ADAMTS2: variants seen among roughly 807,000 people sequenced by gnomAD.
The protein encoded by ADAMTS2 is A disintegrin and metalloproteinase with thrombospondin motifs 2.
A neutral mutation model predicts 123.0 loss-of-function variants in ADAMTS2; 50 were observed. The observed-to-expected ratio is 0.41, with a 90% CI of 0.32 to 0.51. ADAMTS2 has a LOEUF of 0.51. Ranked by LOEUF, ADAMTS2 falls within the 20% of genes least tolerant of loss-of-function variation. The pLI, the probability that ADAMTS2 is intolerant of heterozygous loss-of-function variation, is 0.35. For missense variants in ADAMTS2, 1,494 were observed against 1,705.2 expected, an observed-to-expected ratio of 0.88 and a Z score of 2.18; for synonymous variants, 678 against 695.4, an observed-to-expected ratio of 0.98 and a Z score of 0.39.
intron 2 of ADAMTS2, among the ~76,000 whole-genome samples, chr5:179,290,102 C>T (rs1455769689): frequency 2.6e-5 from 4 of 152,288 alleles, no homozygotes; most frequent in South Asian, 4.1e-4. Flanking sequence ...CTCATCTTGA[C>T]ATTTGGTCCC....
intron 3 of ADAMTS2, among the ~76,000 whole-genome samples, chr5:179,214,156 CACATTAGGACACAACTCA>C (rs1764921598): frequency 2.8e-5 from 3 of 107,746 alleles, no homozygotes; most frequent in African/African-American, 9.9e-5. Flanking sequence ...ATTACTGAGA[CACATTAGGACACAACTCA>C]AAAATCGTGC....
At chr5:179,265,764 T>C (rs1184847590) in intron 3 of ADAMTS2, among the ~76,000 whole-genome samples, 1 of 152,208 alleles carries the variant, frequency 6.6e-6, no homozygotes, top group Non-Finnish European at 1.5e-5. Context: ...AAGGGCCCGG[T>C]CTGCACGAGG....
intron 2 of ADAMTS2, among the ~76,000 whole-genome samples, chr5:179,302,851 CGAGGTCAGAACA>C (rs983152129): frequency 6.0e-5 from 9 of 150,562 alleles, no homozygotes; most frequent in Admixed American, 1.3e-4. Flanking sequence ...GCAGAGGACC[CGAGGTCAGAACA>C]GACCTGCCAT....
At chr5:179,341,649 C>T (rs1013926443) in intron 2 of ADAMTS2, among the ~76,000 whole-genome samples, 5 of 150,052 alleles carry the variant, frequency 3.3e-5, no homozygotes, top group Non-Finnish European at 5.9e-5. Flanking sequence ...GAAGGCAGAG[C>T]GCTTGCAGTG....
rs867289026 is a variant in ADAMTS2 at position 179,132,978 on chromosome 5, C to G, written c.2086-78G>C. 1.4e-5 allele frequency: 22 copies of G among 1,559,604 alleles called. No homozygotes were observed. Among genetic ancestry groups the G allele is most frequent in the Non-Finnish European group, 1.9e-5 (22 of 1,152,826 alleles). ...GGTCATACTATGTTGCCCCCAGTCT[C>G]GAACACCTGGCCTCAAGCGATCCTC... On this transcript the variant is annotated intron_variant, in intron 13 of 21. Coordinates refer to ENST00000251582, the MANE Select transcript of ADAMTS2 (RefSeq NM_014244.5). This position sits in a 1 kb window ranked among gnomAD's most constrained non-coding sequence, Gnocchi z 6.1.
rs1766064252 is a variant in ADAMTS2, at chr5:179,256,700, G to A, written c.688+16211C>T. On this transcript the variant is annotated intron_variant, in intron 3 of 21. Transcript: ENST00000251582. The surrounding 1 kb of genome is among the most constrained non-coding windows in gnomAD (Gnocchi z 4.1). ...GGGTTGTGTTCGCCCATCCAGAGGA[G>A]GCACAGAGCCTCCCACCCAGTGCTG... is the stretch of plus-strand genomic sequence containing the variant. Among the ~76,000 whole-genome samples the A allele has an allele frequency of 6.6e-6, 1 of 152,326 alleles. No homozygotes were observed. The highest frequency in any genetic ancestry group is 1.9e-4 in the East Asian group (1 of 5,178).
At chr5:179,140,098 G>A in intron 10 of ADAMTS2, 63 bp from the exon 11 acceptor site, 18 of 1,609,248 alleles carry the variant, frequency 1.1e-5, no homozygotes, top group Middle Eastern at 1.7e-4. Context: ...ACAGTCCTGC[G>A]CTCTGCAGCC....
intron 3 of ADAMTS2, among the ~76,000 whole-genome samples, chr5:179,255,209 G>A (rs1043383925): frequency 4.6e-5 from 7 of 152,162 alleles, no homozygotes; most frequent in African/African-American, 9.7e-5. Context: ...ATGGATGGAC[G>A]GATGACAGAT....
intron 10 of ADAMTS2, among the ~76,000 whole-genome samples, chr5:179,145,413 T>G (rs932983509): frequency 6.6e-6 from 1 of 152,216 alleles, no homozygotes; most frequent in African/African-American, 2.4e-5. Flanking sequence ...CAATACTTTG[T>G]ACACGAATGT....
chr5:179,339,760 G>A (rs1235839763), intron 2 of ADAMTS2, among the ~76,000 whole-genome samples: 3 of 152,180 alleles, frequency 2.0e-5, no homozygotes, highest in Non-Finnish European at 2.9e-5. Flanking sequence ...CCCTACCAGC[G>A]GCAGCTGCAA....
At chr5:179,184,511 A>T (rs1355924091) in intron 4 of ADAMTS2, among the ~76,000 whole-genome samples, 20 of 111,078 alleles carry the variant, frequency 1.8e-4, no homozygotes, top group African/African-American at 6.2e-4. Context: ...ACTCTGTCTA[A>T]AAAAAAAAAA....
intron 3 of ADAMTS2, among the ~76,000 whole-genome samples, chr5:179,214,530 TAA>T (rs1764930890): frequency 7.1e-6 from 1 of 141,078 alleles, no homozygotes; most frequent in African/African-American, 2.6e-5. Context: ...TCATCTCACA[TAA>T]AATAATGCAA....
intron 2 of ADAMTS2, among the ~76,000 whole-genome samples, chr5:179,340,368 G>A (rs1422613495): frequency 6.6e-6 from 1 of 152,120 alleles, no homozygotes; most frequent in Admixed American, 6.5e-5. Context: ...CCACCCATAG[G>A]AGCTGCAGCC....
At position 179,148,403 on chromosome 5, in the gene ADAMTS2, C is replaced by A. The variant is rs1277836459; in HGVS notation, c.1629+3739G>T. Among the ~76,000 whole-genome samples the A allele has an allele frequency of 2.6e-5, 4 of 152,328 alleles. No homozygotes were observed. The East Asian group carries it at 7.7e-4, about 29-fold the overall frequency. On this transcript the variant is annotated intron_variant, in intron 10 of 21. Coordinates refer to ENST00000251582, the MANE Select transcript of ADAMTS2 (RefSeq NM_014244.5). ...GAACAGTCCCCTTTCCTGCAGACAG[C>A]CATAGCCAGTGACTGGTCAGGGTTG... is the stretch of plus-strand genomic sequence containing the variant.
At chr5:179,264,792 G>C (rs1025238934) in intron 3 of ADAMTS2, among the ~76,000 whole-genome samples, 12 of 152,292 alleles carry the variant, frequency 7.9e-5, no homozygotes, top group African/African-American at 2.6e-4. Context: ...GTACAGTGGA[G>C]ATCTCAGCAC....
At chr5:179,289,957 C>T (rs1462621307) in intron 2 of ADAMTS2, among the ~76,000 whole-genome samples, 2 of 152,238 alleles carry the variant, frequency 1.3e-5, no homozygotes, top group Non-Finnish European at 2.9e-5. Flanking sequence ...ACGGGAGAGA[C>T]ACAACAACTA....
chr5:179,213,936 C>T (rs564913479), intron 3 of ADAMTS2, among the ~76,000 whole-genome samples: 1 of 152,328 alleles, frequency 6.6e-6, no homozygotes, highest in South Asian at 2.1e-4. Context: ...TCTGATACAG[C>T]ATTAGGTAGG....
intron 3 of ADAMTS2, among the ~76,000 whole-genome samples, chr5:179,247,669 G>T (rs1432483257): frequency 6.6e-6 from 1 of 152,138 alleles, no homozygotes; most frequent in Non-Finnish European, 1.5e-5. Flanking sequence ...CTCTCAATGA[G>T]CTTAACAACT....
rs112529401 is a variant in ADAMTS2, at chr5:179,157,518, C to CTT, written c.1132+1203_1132+1204dup. 4.6e-4 allele frequency among the ~76,000 whole-genome samples: 67 copies of CTT among 144,698 alleles called. 1 individual carries two copies. The highest frequency in any genetic ancestry group is 1.1e-3 in the Admixed American group (16 of 14,478). The allele number at this position is 144,698 out of a possible 152,430, so 94.9% of individuals were successfully genotyped here. On this transcript the variant is annotated intron_variant, in intron 6 of 21. Coordinates refer to ENST00000251582, the MANE Select transcript of ADAMTS2 (RefSeq NM_014244.5). ...TATTTCATTGTGTTTTTAAATTTTC[C>CTT]TTTTTTTTTTTTCTTGTAAGACAAG...
Sources: gnomAD v4.1 joint callset for allele counts (sites outside exome capture counted in the v4.1 genomes callset) on GRCh38, gnomAD v4.1.1 for gene constraint, Gnocchi (gnomAD v3.1) non-coding constraint, MANE v1.5 for transcripts, NCBI Gene and HGNC (gene_info 2026-07-23, HGNC 2026-07-21) for gene names.